Variants in TRIO observed in about 807,000 individuals in gnomAD.
TRIO encodes trio Rho guanine nucleotide exchange factor.
In TRIO, 58 loss-of-function variants were observed where a neutral mutation model predicts 351.9. That is an observed-to-expected ratio of 0.16 (90% CI 0.13 to 0.21). The LOEUF is 0.21. TRIO is among the 10% of genes least tolerant of loss of function. The pLI is 1.00. For missense variants in TRIO, 3,201 were observed against 4,027.8 expected, an observed-to-expected ratio of 0.79 and a Z score of 5.56; for synonymous variants, 1,758 against 1,595.7, an observed-to-expected ratio of 1.10 and a Z score of -2.42.
chr5:14,382,620 C>T (rs961579345), intron 21 of TRIO, among the ~76,000 whole-genome samples: 8 of 152,220 alleles, frequency 5.3e-5, no homozygotes, highest in Non-Finnish European at 1.2e-4. Flanking sequence ...CCCACCCTCC[C>T]CTGCAGGGAG....
intron 33 of TRIO, among the ~76,000 whole-genome samples, chr5:14,409,994 GAATGAC>G (rs1749062194): frequency 1.4e-4 from 21 of 152,230 alleles, no homozygotes; most frequent in Admixed American, 1.1e-3. Context: ...CATCTTGAAG[GAATGAC>G]ACTCCAGACT....
rs748407607 is a variant in TRIO, at chr5:14,304,468, G to A, written c.1376G>A (p.Ser459Asn). Residue 459 changes from serine (S) to asparagine (N), a missense_variant, in exon 8 of 57, where the codon AGC (serine) becomes AAC (asparagine). Coordinates refer to ENST00000344204, the MANE Select transcript of TRIO (RefSeq NM_007118.4). ...TTTTTTTAACCTTCCAAGTATATGA[G>A]CAACGTGGATTCATGGTGTAAAGCT... ...IFHQKAEKYMSNVDSWCKACG... is the reference protein window; with the variant it reads ...IFHQKAEKYMNNVDSWCKACG... 1.9e-6 allele frequency: 3 copies of A among 1,609,872 alleles called. 1 individual carries two copies. The South Asian group carries it at 3.3e-5, about 18-fold the overall frequency.
At chr5:14,380,962 G>A (rs537434452) in intron 20 of TRIO, among the ~76,000 whole-genome samples, 168 bp from the exon 21 acceptor site, 48 of 152,286 alleles carry the variant, frequency 3.2e-4, no homozygotes, top group African/African-American at 1.1e-3. Flanking sequence ...TTTTGTAATT[G>A]TGGTCACACT....
chr5:14,185,159 C>A (rs1407065490), intron 1 of TRIO, among the ~76,000 whole-genome samples: 1 of 139,190 alleles, frequency 7.2e-6, no homozygotes, highest in Non-Finnish European at 1.6e-5. Context: ...CCCTTCCCCG[C>A]CCCCCACCAC....
rs1179136545 is a variant in TRIO, at chr5:14,455,940, C to T, written c.5204-5079C>T. On this transcript the variant is annotated intron_variant, in intron 34 of 56. Coordinates refer to ENST00000344204, the MANE Select transcript of TRIO (RefSeq NM_007118.4). Reference sequence around the variant, plus strand: ...TCGATGGGACCGGGCGCTGCGGAGGCTCAGGCTGCGTGGGAGCCCACCGCA... The same window carrying T: ...TCGATGGGACCGGGCGCTGCGGAGGTTCAGGCTGCGTGGGAGCCCACCGCA... 3.9e-5 allele frequency among the ~76,000 whole-genome samples: 6 copies of T among 152,388 alleles called. No individual in the cohort carries two copies. In the Middle Eastern group the frequency reaches 0.01, roughly 259 times the overall value.
At chr5:14,430,973 A>G (rs917510915) in intron 34 of TRIO, among the ~76,000 whole-genome samples, 5 of 152,148 alleles carry the variant, frequency 3.3e-5, no homozygotes, top group Admixed American at 3.3e-4. Flanking sequence ...CGACTTCCCA[A>G]AGTGCTGGGA....
At chr5:14,197,420 A>G (rs1790847547) in intron 1 of TRIO, among the ~76,000 whole-genome samples, 1 of 152,182 alleles carries the variant, frequency 6.6e-6, no homozygotes, top group Admixed American at 6.5e-5. Flanking sequence ...TCTTGTGGAG[A>G]TGGGTCTTCT....
At chr5:14,311,986 A>C (rs187759125) in intron 8 of TRIO, among the ~76,000 whole-genome samples, 1 of 152,208 alleles carries the variant, frequency 6.6e-6, no homozygotes, top group African/African-American at 2.4e-5. Flanking sequence ...ACTCATCTTT[A>C]TTTGGTCTTT....
At chr5:14,473,120 T>C (rs1180364907) in intron 39 of TRIO, among the ~76,000 whole-genome samples, 1 of 152,204 alleles carries the variant, frequency 6.6e-6, no homozygotes, top group Non-Finnish European at 1.5e-5. Flanking sequence ...ATTTACTTGA[T>C]AGTTTTGTAC....
intron 3 of TRIO, among the ~76,000 whole-genome samples, chr5:14,283,492 A>C (rs1425297716): frequency 6.6e-6 from 1 of 152,228 alleles, no homozygotes; most frequent in African/African-American, 2.4e-5. Flanking sequence ...GTGAGTATCG[A>C]GTAAGATTAT....
rs377511316 is a variant in TRIO, at chr5:14,259,557, G to A, written c.158-11268G>A. Among the ~76,000 whole-genome samples, 14 of 152,334 alleles carry A rather than the reference G, an allele frequency of 9.2e-5. No individual in the cohort carries two copies. The South Asian group carries it at 2.9e-3, about 32-fold the overall frequency. On this transcript the variant is annotated intron_variant, in intron 1 of 56. Transcript: ENST00000344204. ...AATTCTTTTTCTGCTTGAGAAAAGA[G>A]GGTGTAGGGCAGGACAGCAGCACCT...
chr5:14,202,019 A>G (rs1481501933), intron 1 of TRIO, among the ~76,000 whole-genome samples: 1 of 151,810 alleles, frequency 6.6e-6, no homozygotes, highest in East Asian at 1.9e-4. Flanking sequence ...CCTAATGTAA[A>G]TGACGAATTA....
Position 14,503,615 on chromosome 5 carries a change from G to A in TRIO, c.8412-778G>A, listed in dbSNP as rs562303436. Among the ~76,000 whole-genome samples, 129 of 152,314 alleles carry A rather than the reference G, an allele frequency of 8.5e-4. 1 individual carries two copies. Among genetic ancestry groups the A allele is most frequent in the African/African-American group, 2.9e-3 (120 of 41,568 alleles). ...GCATCCCAGAACAGCAGGAGCAGGA[G>A]CGTCAAGGCCTCTGAAGGCCCAGCC... On this transcript the variant is annotated intron_variant, in intron 54 of 56. Coordinates refer to ENST00000344204, the MANE Select transcript of TRIO (RefSeq NM_007118.4).
chr5:14,232,403 C>A (rs1056209262), intron 1 of TRIO, among the ~76,000 whole-genome samples: 1 of 152,130 alleles, frequency 6.6e-6, no homozygotes, highest in Non-Finnish European at 1.5e-5. Context: ...ATTTTTCTGG[C>A]CCCTGCACCA....
rs768375326 is a variant in TRIO at position 14,492,614 on chromosome 5, C to T, written c.7680C>T (p.His2560=). The part of the protein sequence containing the change: ...SSNISTMLVT[H]DYTAVKEDEI... ...ACATCTCCACCATGTTGGTGACACA[C>T]GATTACACGGCAGTGAAGGAGGATG... The change falls in exon 49 of 57, where the codon CAC becomes CAT. Residue 2560 remains histidine, a synonymous_variant. Transcript: ENST00000344204. 10 of 1,613,986 alleles carry T rather than the reference C, an allele frequency of 6.2e-6. No homozygotes were observed. The East Asian group carries it at 6.7e-5, about 11-fold the overall frequency.
At chr5:14,220,796 C>A (rs1425834571) in intron 1 of TRIO, among the ~76,000 whole-genome samples, 1 of 152,178 alleles carries the variant, frequency 6.6e-6, no homozygotes, top group Admixed American at 6.5e-5. Context: ...GAGGTTAAAT[C>A]CTGAGATTGA....
At chr5:14,331,912 A>G (rs1459639518) in intron 10 of TRIO, among the ~76,000 whole-genome samples, 1 of 152,212 alleles carries the variant, frequency 6.6e-6, no homozygotes, top group East Asian at 1.9e-4. Context: ...GCTAGTGTAA[A>G]AAAAGAAATA....
chr5:14,225,788 T>TCCCCCCCCCCCCC (rs1472666432), intron 1 of TRIO, among the ~76,000 whole-genome samples: 4 of 45,958 alleles, frequency 8.7e-5, no homozygotes, highest in African/African-American at 2.2e-4. Context: ...TATTCACTGC[T>TCCCCCCCCCCCCC]CCCACCCCCC....
chr5:14,430,956 C>T (rs1751064439), intron 34 of TRIO, among the ~76,000 whole-genome samples: 1 of 152,198 alleles, frequency 6.6e-6, no homozygotes, highest in Non-Finnish European at 1.5e-5. Context: ...AGGTGATCCG[C>T]CTTCCTCGAC....
Sources: allele counts gnomAD v4.1 joint callset (sites outside exome capture counted in the v4.1 genomes callset), GRCh38; gene constraint gnomAD v4.1.1; transcripts MANE v1.5; gene names NCBI Gene and HGNC (gene_info 2026-07-23, HGNC 2026-07-21).